TEX15: variants seen among roughly 807,000 people sequenced by gnomAD.
The protein encoded by TEX15 is testis-expressed protein 15.
Under a neutral mutation model 237.3 loss-of-function variants are expected in TEX15, and 171 were observed. That is an observed-to-expected ratio of 0.72 (90% CI 0.64 to 0.82). TEX15 has a LOEUF of 0.82. Among genes scored for constraint, TEX15 ranks in the 40% least tolerant of loss-of-function variants. TEX15 has a pLI of 0.00. For missense variants in TEX15, 3,750 were observed against 3,646.5 expected, an observed-to-expected ratio of 1.03 and a Z score of -0.73; for synonymous variants, 1,338 against 1,269.8, an observed-to-expected ratio of 1.05 and a Z score of -1.14.
intron 1 of TEX15, among the ~76,000 whole-genome samples, 168 bp from the exon 2 acceptor site, chr8:30,898,985 A>G (rs553546824): frequency 1.2e-4 from 18 of 151,928 alleles, no homozygotes; most frequent in East Asian, 5.8e-4. Context: ...TGTTTTCTGC[A>G]TATCTCAGTT....
chr8:30,840,896 T>C (rs1807436816), intron 8 of TEX15, among the ~76,000 whole-genome samples: 1 of 152,132 alleles, frequency 6.6e-6, no homozygotes, highest in African/African-American at 2.4e-5. Context: ...GTTAAATTGT[T>C]CCAGACTTAA....
chr8:30,846,582 C>T lies in TEX15; in HGVS notation c.3585G>A (p.Lys1195=). 1 of 1,613,844 alleles carries T rather than the reference C, an allele frequency of 6.2e-7. No homozygotes were observed. Among genetic ancestry groups the T allele is most frequent in the South Asian group, 1.1e-5 (1 of 91,054 alleles). The part of the protein sequence containing the change: ...VTEATKPEIN[K]EDGEILGFDI... ...CAAATCCTAGAATTTCTCCATCTTC[C>T]TTATTTATTTCCGGTTTTGTGGCTT... Residue 1195 remains lysine, a synonymous_variant, in exon 8 of 11, where the codon AAG becomes AAA. Transcript: ENST00000643185.
chr8:30,880,121 T>C (rs1430645393), intron 3 of TEX15, among the ~76,000 whole-genome samples: 2 of 152,120 alleles, frequency 1.3e-5, no homozygotes, highest in East Asian at 1.9e-4. Context: ...CTCCCCCTCC[T>C]GGGTTCAAGG....
Position 30,908,125 on chromosome 8 carries a change from C to T in TEX15, c.-86+4754G>A, listed in dbSNP as rs374710656. Among the ~76,000 whole-genome samples the T allele has an allele frequency of 3.9e-5, 6 of 152,122 alleles. No individual in the cohort carries two copies. In the South Asian group the frequency reaches 6.2e-4, roughly 16 times the overall value. On this transcript the variant is annotated intron_variant, in intron 1 of 10. Coordinates refer to ENST00000643185, the MANE Select transcript of TEX15 (RefSeq NM_001350162.2). ...TTTTTGTAGAGATGGGGTCTCACTA[C>T]GTTGCCCAGGCTGGTCTTGAATTCC...
intron 1 of TEX15, among the ~76,000 whole-genome samples, chr8:30,912,485 G>C (rs1432572810): frequency 6.6e-6 from 1 of 152,222 alleles, no homozygotes; most frequent in African/African-American, 2.4e-5. Flanking sequence ...ACCAAGTTGT[G>C]GCGCTCTCTC....
Position 30,831,895 on chromosome 8 carries a change from A to G in TEX15, c.*1391T>C, listed in dbSNP as rs1807186609. On this transcript the variant is annotated 3_prime_UTR_variant, in exon 11 of 11. Coordinates refer to ENST00000643185, the MANE Select transcript of TEX15 (RefSeq NM_001350162.2). ...AATATTACTGCTTTCAAAGTTGTTCAGGAGTTCTGATTTTGACAGACTATT... is the reference window on the plus strand; with the variant it reads ...AATATTACTGCTTTCAAAGTTGTTCGGGAGTTCTGATTTTGACAGACTATT... 1 of 152,252 alleles carries G rather than the reference A, an allele frequency of 6.6e-6. No homozygotes were observed. The allele number at this position is 152,252 out of a possible 1,614,324, so 9.4% of individuals were successfully genotyped here.
chr8:30,863,442 T>G (rs552376862), intron 5 of TEX15, among the ~76,000 whole-genome samples: 6 of 152,216 alleles, frequency 3.9e-5, no homozygotes, highest in African/African-American at 1.2e-4. Flanking sequence ...TGGCCACAAT[T>G]TTTGTGGGCC....
chr8:30,878,843 G>C (rs987519486), intron 3 of TEX15, among the ~76,000 whole-genome samples: 1 of 152,168 alleles, frequency 6.6e-6, no homozygotes, highest in Non-Finnish European at 1.5e-5. Context: ...AGTTTTTAAA[G>C]ATGATGCCAA....
chr8:30,861,465 A>T (rs1808049635), intron 5 of TEX15, among the ~76,000 whole-genome samples: 1 of 152,180 alleles, frequency 6.6e-6, no homozygotes, highest in South Asian at 2.1e-4. Context: ...ACGTTCATTC[A>T]ACAATCAAAA....
rs183894263 is a variant in TEX15 at position 30,907,548 on chromosome 8, T to A, written c.-86+5331A>T. Among the ~76,000 whole-genome samples, 12 of 145,076 alleles carry A rather than the reference T, an allele frequency of 8.3e-5. 1 individual carries two copies. In the Admixed American group the frequency reaches 8.3e-4, roughly 10 times the overall value. ...ATACAAATTATATATAAAATGTATA[T>A]ACAAAATTTATATATAATTTATTAT... On this transcript the variant is annotated intron_variant, in intron 1 of 10. Coordinates refer to ENST00000643185, the MANE Select transcript of TEX15 (RefSeq NM_001350162.2).
chr8:30,845,274 T>G lies in TEX15; in HGVS notation c.4893A>C (p.Thr1631=), dbSNP rs779253284. ...TGCAAGTTGCATCACAATCGTTGCC[T>G]GTACTAGAATTTATGTTTTCTTTTA... ...SCIKENINSS[T]GNDCDATCIG... The change falls in exon 8 of 11, where the codon ACA becomes ACC. Residue 1631 remains threonine, a synonymous_variant. Transcript: ENST00000643185. 7 of 1,613,308 alleles carry G rather than the reference T, an allele frequency of 4.3e-6. No individual in the cohort carries two copies. The highest frequency in any genetic ancestry group is 1.7e-4 in the Middle Eastern group (1 of 6,056).
intron 1 of TEX15, among the ~76,000 whole-genome samples, chr8:30,905,734 C>CAAAAAA (rs34079195): frequency 2.9e-4 from 15 of 50,976 alleles, no homozygotes; most frequent in African/African-American, 3.9e-4. Context: ...ACAAAAAATA[C>CAAAAAA]AAAAAAAAAA....
intron 4 of TEX15, 117 bp downstream of exon 4, chr8:30,874,820 T>A (rs1808368368): frequency 1.7e-6 from 1 of 577,260 alleles, no homozygotes; most frequent in African/African-American, 1.9e-5. Context: ...CAAAAAATAA[T>A]CTGTGTTTTC....
At chr8:30,854,245 T>C (rs1807852431) in intron 7 of TEX15, among the ~76,000 whole-genome samples, 1 of 147,994 alleles carries the variant, frequency 6.8e-6, no homozygotes, top group African/African-American at 2.5e-5. Context: ...ATAAACCTTT[T>C]TAACCTGACT....
Position 30,831,675 on chromosome 8 carries a change from A to G in TEX15, c.*1611T>C, listed in dbSNP as rs564719789. 2.0e-5 allele frequency: 3 copies of G among 152,360 alleles called. No individual in the cohort carries two copies. The highest frequency in any genetic ancestry group is 6.5e-5 in the Admixed American group (1 of 15,302). 9.4% of individuals were successfully genotyped at this position (152,360 alleles called of 1,614,324 possible). A position where few individuals can be genotyped will look rare whatever the true frequency, so the allele number is the denominator to read the frequency against. On this transcript the variant is annotated 3_prime_UTR_variant, in exon 11 of 11. Coordinates refer to ENST00000643185, the MANE Select transcript of TEX15 (RefSeq NM_001350162.2). ...TAAAAATACCACAAAGACAATGTCA[A>G]CAGAATCTGAAAGTTGTTTAAAGAA...
At chr8:30,839,636 A>G (rs578086936) in intron 9 of TEX15, among the ~76,000 whole-genome samples, 1 of 152,286 alleles carries the variant, frequency 6.6e-6, no homozygotes, top group East Asian at 1.9e-4. Context: ...AACTATACTC[A>G]GAATATTCTT....
At chr8:30,884,397 T>A (rs1053548245) in intron 3 of TEX15, among the ~76,000 whole-genome samples, 1 of 152,214 alleles carries the variant, frequency 6.6e-6, no homozygotes, top group Non-Finnish European at 1.5e-5. Context: ...TGAAAGAGAT[T>A]GTAAAGAATT....
chr8:30,837,026 G>T lies in TEX15; in HGVS notation c.9258C>A (p.Gly3086=), dbSNP rs1585277317. The T allele has an allele frequency of 6.2e-7, 1 of 1,614,110 alleles. No individual in the cohort carries two copies. The highest frequency in any genetic ancestry group is 8.5e-7 in the Non-Finnish European group (1 of 1,179,994). The part of the protein sequence containing the change: ...LLTTVASTAQ[G]THSNLLYSQY... ...GAGAGTACAGAAGATTAGAATGTGT[G>T]CCCTGGGCAGTACTTGCAACTGTGG... The change falls in exon 10 of 11, where the codon GGC becomes GGA. Residue 3086 remains glycine, a synonymous_variant. Transcript: ENST00000643185.
chr8:30,854,205 GA>G (rs1461677569), intron 7 of TEX15, among the ~76,000 whole-genome samples: 1 of 100,096 alleles, frequency 1.0e-5, no homozygotes, highest in Non-Finnish European at 2.1e-5. Context: ...TTGGTTCTTT[GA>G]AAAACAAAAC....
Sources: allele counts gnomAD v4.1 joint callset (sites outside exome capture counted in the v4.1 genomes callset), GRCh38; gene constraint gnomAD v4.1.1; transcripts MANE v1.5; gene names NCBI Gene and HGNC (gene_info 2026-07-23, HGNC 2026-07-21).